The following ANKRD12 variants were observed in gnomAD, a reference collection of about 807,000 sequenced individuals.
The protein encoded by ANKRD12 is ankyrin repeat domain-containing protein 12.
ANKRD12 carries 85 observed loss-of-function variants against 183.4 expected under a neutral mutation model. That is an observed-to-expected ratio of 0.46 (90% CI 0.39 to 0.56). The LOEUF is 0.56. Among genes scored for constraint, ANKRD12 ranks in the 20% least tolerant of loss-of-function variants. The pLI, the probability that ANKRD12 is intolerant of heterozygous loss-of-function variation, is 0.00. For synonymous variants in ANKRD12, 914 were observed against 800.2 expected, an observed-to-expected ratio of 1.14 and a Z score of -2.40; for missense variants, 2,405 against 2,357.1, an observed-to-expected ratio of 1.02 and a Z score of -0.42.
At chr18:9,175,188 G>C (rs558261374) in intron 1 of ANKRD12, among the ~76,000 whole-genome samples, 1 of 152,244 alleles carries the variant, frequency 6.6e-6, no homozygotes, top group East Asian at 1.9e-4. Context: ...AATGCTGCCA[G>C]ACTCTAAAGT....
intron 8 of ANKRD12, chr18:9,235,822 G>C (rs1381657067): frequency 2.6e-6 from 1 of 378,452 alleles, no homozygotes; most frequent in Non-Finnish European, 5.4e-6. Flanking sequence ...GATTTAAAAG[G>C]CTCATCAGAC....
chr18:9,204,452 C>T, intron 3 of ANKRD12, 24 bp from the exon 4 acceptor site: 2 of 1,556,464 alleles, frequency 1.3e-6, no homozygotes, highest in Non-Finnish European at 8.8e-7. Flanking sequence ...TTTTTCTCTT[C>T]TCCTGTCTCT....
intron 1 of ANKRD12, among the ~76,000 whole-genome samples, chr18:9,152,532 CT>C (rs949292360): frequency 1.8e-4 from 27 of 146,970 alleles, no homozygotes; most frequent in Non-Finnish European, 2.4e-4. Context: ...TAGTGGTCTG[CT>C]TTTTTTTTTA....
Position 9,256,455 on chromosome 18 carries a change from C to G in ANKRD12, c.3188C>G (p.Thr1063Ser). 6 of 1,613,436 alleles carry G rather than the reference C, an allele frequency of 3.7e-6. No individual in the cohort carries two copies. Among genetic ancestry groups the G allele is most frequent in the Non-Finnish European group, 5.1e-6 (6 of 1,179,812 alleles). Reference sequence around the variant, plus strand: ...AAGTCATCACCAGCATCAAAAGATACCCGACCTAAAGAAAAGAGGTTAGTG... The same window carrying G: ...AAGTCATCACCAGCATCAAAAGATAGCCGACCTAAAGAAAAGAGGTTAGTG... Reference protein sequence around the residue: ...KPKSSPASKDTRPKEKRLVND... With the variant: ...KPKSSPASKDSRPKEKRLVND... The change falls in exon 9 of 13, where the codon ACC becomes AGC. Residue 1063 changes from threonine (T) to serine (S), a missense_variant. Physicochemically the swap from Thr to Ser is moderately conservative, Grantham distance 58. Around this residue, in one of 7 missense-constraint regions of ANKRD12, gnomAD observed 1,983 missense variants for 1,725.9 expected, o/e 1.15. Transcript: ENST00000262126.
intron 1 of ANKRD12, among the ~76,000 whole-genome samples, chr18:9,163,445 G>T (rs2031679017): frequency 6.6e-6 from 1 of 151,876 alleles, no homozygotes; most frequent in South Asian, 2.1e-4. Context: ...GGTTGCTGTA[G>T]CCCTGTAGTC....
At chr18:9,273,168 A>G (rs1334431909) in intron 10 of ANKRD12, among the ~76,000 whole-genome samples, 1 of 152,212 alleles carries the variant, frequency 6.6e-6, no homozygotes, top group Non-Finnish European at 1.5e-5. Flanking sequence ...AGTTAGGACC[A>G]GATGGCACAA....
intron 5 of ANKRD12, 82 bp downstream of exon 5, chr18:9,208,885 C>G: frequency 1.6e-6 from 2 of 1,271,096 alleles, no homozygotes; most frequent in South Asian, 4.3e-5. Flanking sequence ...ATTATTTTAA[C>G]TACTTTTAAT....
intron 6 of ANKRD12, among the ~76,000 whole-genome samples, chr18:9,214,987 G>A (rs1400434581): frequency 2.6e-5 from 4 of 152,076 alleles, no homozygotes; most frequent in Non-Finnish European, 4.4e-5. Flanking sequence ...GGAATTTAAC[G>A]CCAGCAAAGG....
intron 1 of ANKRD12, among the ~76,000 whole-genome samples, chr18:9,142,836 A>C (rs1364456958): frequency 1.3e-5 from 2 of 152,148 alleles, no homozygotes; most frequent in Non-Finnish European, 2.9e-5. Flanking sequence ...GTGAGCCAAA[A>C]TTGAGCCACT....
At chr18:9,143,805 C>G (rs538708493) in intron 1 of ANKRD12, among the ~76,000 whole-genome samples, 2 of 151,852 alleles carry the variant, frequency 1.3e-5, no homozygotes, top group African/African-American at 4.8e-5. Context: ...AACACCACCA[C>G]CACCACCGCC....
rs142734679 is a variant in ANKRD12 at position 9,177,561 on chromosome 18, A to G, written c.-51-4821A>G. 7.3e-3 allele frequency among the ~76,000 whole-genome samples: 1,109 copies of G among 152,262 alleles called. 8 individuals carry two copies. The highest frequency in any genetic ancestry group is 9.4e-3 in the Non-Finnish European group (636 of 68,020). On this transcript the variant is annotated intron_variant, in intron 1 of 12. Coordinates refer to ENST00000262126, the MANE Select transcript of ANKRD12 (RefSeq NM_015208.5). ...GATATTCATCACTGAGTATTTGTCA[A>G]TTCTGCTTTGGGAACATTTCAGAAT...
chr18:9,157,603 ATTT>A (rs560783016), intron 1 of ANKRD12, among the ~76,000 whole-genome samples: 1 of 84,640 alleles, frequency 1.2e-5, no homozygotes, highest in Non-Finnish European at 2.3e-5. Context: ...ATATATATGT[ATTT>A]TTTTTTTTTT....
chr18:9,266,267 A>T lies in ANKRD12; in HGVS notation c.5763+2379A>T, dbSNP rs1248418186. The stretch of plus-strand genomic sequence containing the variant: ...TTCAAATTCAGGAAATACAGAGAAC[A>T]CCACAAAGATACTCCTTGAGAAGAG... On this transcript the variant is annotated intron_variant, in intron 10 of 12. Coordinates refer to ENST00000262126, the MANE Select transcript of ANKRD12 (RefSeq NM_015208.5). Among the ~76,000 whole-genome samples, 4 of 152,308 alleles carry T rather than the reference A, an allele frequency of 2.6e-5. No homozygotes were observed. In the East Asian group the frequency reaches 7.7e-4, roughly 29 times the overall value.
rs747897628 is a variant in ANKRD12 at position 9,279,551 on chromosome 18, T to G, written c.5910T>G (p.Ser1970=). The G allele has an allele frequency of 3.8e-6, 6 of 1,581,224 alleles. No homozygotes were observed. The Admixed American group carries it at 8.9e-5, about 23-fold the overall frequency. ...EVYNVPLDSQ[S]DDSKTSVRDR... ...TAATACTCACTTTTCTCTTTTAGTC[T>G]GATGACAGTAAAACTTCTGTGAGGG... The change falls in exon 12 of 13, where the codon TCT becomes TCG. Residue 1970 remains serine (S), a splice_region_variant and synonymous_variant. Transcript: ENST00000262126.
rs185878838 is a variant in ANKRD12 at position 9,232,932 on chromosome 18, C to T, written c.943+10933C>T. On this transcript the variant is annotated intron_variant, in intron 8 of 12. Transcript: ENST00000262126. ...TGGTGTGATCTCGGCTCACTACAAC[C>T]TCTGCCTCCCAGGTCCAGGCAATTC... 3.3e-5 allele frequency among the ~76,000 whole-genome samples: 5 copies of T among 151,362 alleles called. No individual in the cohort carries two copies. In the East Asian group the frequency reaches 7.8e-4, roughly 24 times the overall value.
At chr18:9,169,658 CTT>C (rs1300387415) in intron 1 of ANKRD12, among the ~76,000 whole-genome samples, 1 of 152,172 alleles carries the variant, frequency 6.6e-6, no homozygotes, top group Non-Finnish European at 1.5e-5. Flanking sequence ...GGTCTTGACT[CTT>C]TATCCAATTT....
At chr18:9,280,809 G>T in intron 12 of ANKRD12, 132 bp from the exon 13 acceptor site, 1 of 813,336 alleles carries the variant, frequency 1.2e-6, no homozygotes, top group Non-Finnish European at 1.9e-6. Context: ...GAAAGAAATG[G>T]ACTTGTAATT....
chr18:9,162,168 A>G (rs1047043686), intron 1 of ANKRD12, among the ~76,000 whole-genome samples: 20 of 152,040 alleles, frequency 1.3e-4, no homozygotes, highest in African/African-American at 4.1e-4. Flanking sequence ...TCCATTAGCT[A>G]TTCTTCCTGA....
chr18:9,169,371 A>G (rs919759573), intron 1 of ANKRD12, among the ~76,000 whole-genome samples: 1 of 152,068 alleles, frequency 6.6e-6, no homozygotes, highest in Admixed American at 6.6e-5. Context: ...GTCACTAAGG[A>G]CTTGCTTTAT....
Sources: allele counts gnomAD v4.1 joint callset (sites outside exome capture counted in the v4.1 genomes callset), GRCh38; gene constraint gnomAD v4.1.1; regional missense constraint gnomAD v4.1.1; transcripts MANE v1.5; gene names NCBI Gene and HGNC (gene_info 2026-07-23, HGNC 2026-07-21).